The following DENND2C variants were observed in gnomAD, a reference collection of about 807,000 sequenced individuals.
DENND2C encodes DENN domain containing 2C, also known as DENN domain-containing protein 2C.
A neutral mutation model predicts 112.4 loss-of-function variants in DENND2C; 72 were observed. That is an observed-to-expected ratio of 0.64 (90% CI 0.53 to 0.78). The LOEUF is 0.78. DENND2C is among the 30% of genes least tolerant of loss of function. The pLI, the probability that DENND2C is intolerant of heterozygous loss-of-function variation, is 0.00. For synonymous variants in DENND2C, 329 were observed against 381.6 expected (o/e 0.86, Z 1.61); for missense variants, 992 against 1,113.8 (o/e 0.89, Z 1.56).
chr1:114,612,708 C>T (rs1311251947), intron 8 of DENND2C, among the ~76,000 whole-genome samples: 1 of 152,094 alleles, frequency 6.6e-6, no homozygotes, highest in Non-Finnish European at 1.5e-5. Flanking sequence ...TTAGTAGAGA[C>T]AGGGTTTCAC....
chr1:114,612,351 A>ATTTT (rs376474647), intron 8 of DENND2C, among the ~76,000 whole-genome samples: 2 of 139,170 alleles, frequency 1.4e-5, no homozygotes, highest in East Asian at 4.2e-4. Flanking sequence ...GCAGTTATAA[A>ATTTT]TTTTTTTTTT....
intron 2 of DENND2C, among the ~76,000 whole-genome samples, chr1:114,653,996 G>A (rs1657238638): frequency 6.6e-6 from 1 of 152,124 alleles, no homozygotes; most frequent in South Asian, 2.1e-4. Context: ...AAAAGGTTGT[G>A]TAATATAAAT....
chr1:114,622,137 G>T, intron 6 of DENND2C, 72 bp from the exon 7 acceptor site: 1 of 1,433,996 alleles, frequency 7.0e-7, no homozygotes, highest in Non-Finnish European at 9.3e-7. Context: ...TGTTTGAGAT[G>T]GGGTCTTGCT....
At chr1:114,653,923 C>T (rs1657236879) in intron 2 of DENND2C, among the ~76,000 whole-genome samples, 1 of 151,990 alleles carries the variant, frequency 6.6e-6, no homozygotes, top group Non-Finnish European at 1.5e-5. Flanking sequence ...CATGGTAAAG[C>T]CATACTCTGA....
intron 1 of DENND2C, among the ~76,000 whole-genome samples, chr1:114,668,538 C>CAT (rs1657705563): frequency 6.6e-6 from 1 of 151,634 alleles, no homozygotes; most frequent in African/African-American, 2.4e-5. Context: ...CACACACACA[C>CAT]ACACACACAC....
chr1:114,597,152 GACATGTTA>G (rs1655362837), intron 16 of DENND2C, among the ~76,000 whole-genome samples: 1 of 152,082 alleles, frequency 6.6e-6, no homozygotes, highest in Admixed American at 6.6e-5. Context: ...AATATAAAAA[GACATGTTA>G]ACGCCAGGCG....
chr1:114,605,106 G>A, intron 10 of DENND2C, 75 bp from the exon 11 acceptor site: 1 of 1,126,826 alleles, frequency 8.9e-7, no homozygotes, highest in Non-Finnish European at 1.3e-6. Context: ...ACTCAGCCTT[G>A]TCTCAGGAAA....
At chr1:114,652,923 T>C (rs960020794) in intron 2 of DENND2C, among the ~76,000 whole-genome samples, 16 of 152,038 alleles carry the variant, frequency 1.1e-4, no homozygotes, top group African/African-American at 3.9e-4. Context: ...ACTATTATAC[T>C]GTATTGCTTA....
At position 114,584,705 on chromosome 1, in the gene DENND2C, C is replaced by T. The variant is rs1160033385; in HGVS notation, c.*895G>A. On this transcript the variant is annotated 3_prime_UTR_variant, in exon 21 of 21. Coordinates refer to ENST00000393274, the MANE Select transcript of DENND2C (RefSeq NM_001256404.2). Reference sequence around the variant, plus strand: ...TGGACACTAAAAAATAAAGGTGGCTCCCATGCCCTTGAAAGGACATTTTCA... The same window carrying T: ...TGGACACTAAAAAATAAAGGTGGCTTCCATGCCCTTGAAAGGACATTTTCA... 6.6e-6 allele frequency: 1 copy of T among 152,148 alleles called. No homozygotes were observed. Among genetic ancestry groups the T allele is most frequent in the Non-Finnish European group, 1.5e-5 (1 of 68,034 alleles). 9.4% of individuals were successfully genotyped at this position (152,148 alleles called of 1,614,324 possible).
At chr1:114,664,682 G>A (rs1570824766) in intron 1 of DENND2C, among the ~76,000 whole-genome samples, 1 of 151,690 alleles carries the variant, frequency 6.6e-6, no homozygotes, top group African/African-American at 2.4e-5. Flanking sequence ...GTTTCACCAT[G>A]TTGGCCAGGT....
At chr1:114,608,922 C>A in intron 9 of DENND2C, 49 bp from the exon 10 acceptor site, 1 of 1,601,466 alleles carries the variant, frequency 6.2e-7, no homozygotes. Flanking sequence ...GCCCTACCTT[C>A]CTTTCAGCAT....
At position 114,625,953 on chromosome 1, in the gene DENND2C, T is replaced by C. The variant is rs1425623248; in HGVS notation, c.32A>G (p.Gln11Arg). 6.2e-7 allele frequency: 1 copy of C among 1,613,084 alleles called. No homozygotes were observed. The highest frequency in any genetic ancestry group is 8.5e-7 in the Non-Finnish European group (1 of 1,179,432). Residue 11 changes from glutamine (Q) to arginine (R), a missense_variant, in exon 4 of 21, where the codon CAG becomes CGG. By Grantham distance (43) the Gln-to-Arg change is conservative. Transcript: ENST00000393274. Reference sequence around the variant, plus strand: ...TTTGCAGTGGCTTCTTGACAGTGTCTGAACAGTAGTACGAGAAAAACCAAC... The same window carrying C: ...TTTGCAGTGGCTTCTTGACAGTGTCCGAACAGTAGTACGAGAAAAACCAAC... Reference protein sequence around the residue: MDVGFSRTTVQTLSRSHCKNI... With the variant: MDVGFSRTTVRTLSRSHCKNI...
At position 114,626,052 on chromosome 1, in the gene DENND2C, T is replaced by C. The variant is rs1365522383; in HGVS notation, c.-68A>G. ...TTCCATTACAAGTAAATGTGAAATA[T>C]TGTATTCTTTATCCTGTCAGAATCC... On this transcript the variant is annotated 5_prime_UTR_variant, in exon 4 of 21. Transcript: ENST00000393274. 7 of 1,391,912 alleles carry C rather than the reference T, an allele frequency of 5.0e-6. No homozygotes were observed. Among genetic ancestry groups the C allele is most frequent in the African/African-American group, 4.3e-5 (3 of 69,456 alleles). 86.2% of individuals were successfully genotyped at this position (1,391,912 alleles called of 1,614,324 possible). A position where few individuals can be genotyped will look rare whatever the true frequency, so the allele number is the denominator to read the frequency against.
At chr1:114,601,975 C>T in intron 12 of DENND2C, 150 bp downstream of exon 12, 1 of 688,848 alleles carries the variant, frequency 1.5e-6, no homozygotes, top group East Asian at 2.7e-5. Flanking sequence ...CCCCCACCTT[C>T]CTCTTGCTGT....
At chr1:114,608,645 C>T (rs1655724867) in intron 10 of DENND2C, 41 bp downstream of exon 10, 1 of 1,594,808 alleles carries the variant, frequency 6.3e-7, no homozygotes, top group Non-Finnish European at 8.6e-7. Context: ...CACAGAGACA[C>T]AGGAACATTC....
At chr1:114,635,434 G>A (rs1008924559) in intron 3 of DENND2C, among the ~76,000 whole-genome samples, 3 of 151,956 alleles carry the variant, frequency 2.0e-5, no homozygotes, top group African/African-American at 7.3e-5. Flanking sequence ...TAGGCAAAGC[G>A]AACAAAAAAA....
intron 1 of DENND2C, among the ~76,000 whole-genome samples, chr1:114,667,917 C>T (rs1657689525): frequency 6.6e-6 from 1 of 152,058 alleles, no homozygotes; most frequent in African/African-American, 2.4e-5. Context: ...ATTAAGTAAG[C>T]TAATACATGT....
chr1:114,598,462 A>G (rs976937400), intron 16 of DENND2C, among the ~76,000 whole-genome samples: 19 of 151,734 alleles, frequency 1.3e-4, no homozygotes, highest in African/African-American at 4.6e-4. Flanking sequence ...GGGTAAAACT[A>G]TAAAGCAAAA....
chr1:114,661,125 A>G (rs80237599), intron 1 of DENND2C, among the ~76,000 whole-genome samples: 2 of 143,602 alleles, frequency 1.4e-5, no homozygotes, highest in East Asian at 4.2e-4. Flanking sequence ...AAAAAAAAAA[A>G]AGAAAAGAAA....
Sources: gnomAD v4.1 joint callset for allele counts (sites outside exome capture counted in the v4.1 genomes callset) on GRCh38, gnomAD v4.1.1 for gene constraint, MANE v1.5 for transcripts, NCBI Gene and HGNC (gene_info 2026-07-23, HGNC 2026-07-21) for gene names.